The following KIF26B variants were observed in gnomAD, a reference collection of about 807,000 sequenced individuals.
KIF26B encodes kinesin-like protein KIF26B.
KIF26B carries 63 observed loss-of-function variants against 151.2 expected under a neutral mutation model. The observed-to-expected ratio is 0.42, with a 90% CI of 0.34 to 0.51. The LOEUF (loss-of-function observed/expected upper bound fraction) is 0.51, where lower values mean the gene tolerates loss of function less well. Among genes scored for constraint, KIF26B ranks in the 20% least tolerant of loss-of-function variants. KIF26B has a pLI of 0.07. For missense variants in KIF26B, 2,813 were observed against 2,913.6 expected, an observed-to-expected ratio of 0.97 and a Z score of 0.79; for synonymous variants, 1,357 against 1,262.1, an observed-to-expected ratio of 1.08 and a Z score of -1.59.
chr1:245,638,950 T>A (rs1007073629), intron 9 of KIF26B, among the ~76,000 whole-genome samples: 6 of 151,758 alleles, frequency 4.0e-5, no homozygotes, highest in Admixed American at 3.9e-4. Flanking sequence ...TTTTCTTTTG[T>A]TATCTTTGGC....
At chr1:245,211,895 T>C (rs77412441) in intron 2 of KIF26B, among the ~76,000 whole-genome samples, 3,788 of 152,248 alleles carry the variant, frequency 0.025, 157 homozygotes, top group African/African-American at 0.087. Context: ...ATCAAATGCT[T>C]GTGATTTCCA....
At chr1:245,501,845 G>C (rs1020164527) in intron 4 of KIF26B, among the ~76,000 whole-genome samples, 3 of 152,150 alleles carry the variant, frequency 2.0e-5, no homozygotes, top group Non-Finnish European at 4.4e-5. Context: ...TTTAGAACTA[G>C]GCAATTGCTT....
intron 5 of KIF26B, among the ~76,000 whole-genome samples, chr1:245,558,528 C>T (rs1662090607): frequency 6.6e-6 from 1 of 152,232 alleles, no homozygotes; most frequent in Non-Finnish European, 1.5e-5. Context: ...GCCCCTGAGG[C>T]CTCTTGCCAT....
intron 4 of KIF26B, among the ~76,000 whole-genome samples, chr1:245,533,849 G>T (rs935674742): frequency 6.6e-6 from 1 of 151,496 alleles, no homozygotes; most frequent in Non-Finnish European, 1.5e-5. Context: ...TGAGACCTAA[G>T]ACTTTCCCTG....
chr1:245,464,356 G>GGT (rs1659717330), intron 4 of KIF26B, among the ~76,000 whole-genome samples: 1 of 151,852 alleles, frequency 6.6e-6, no homozygotes, highest in African/African-American at 2.4e-5. Flanking sequence ...TGCATCTGTG[G>GGT]GTGTGTGCGT....
chr1:245,691,944 T>G (rs1395180323), intron 12 of KIF26B, among the ~76,000 whole-genome samples: 2 of 152,196 alleles, frequency 1.3e-5, no homozygotes, highest in African/African-American at 4.8e-5. Flanking sequence ...AGGAGGAGGC[T>G]TAGAATCTTG....
chr1:245,700,429 C>T (rs1216473658), intron 14 of KIF26B, among the ~76,000 whole-genome samples: 3 of 152,248 alleles, frequency 2.0e-5, no homozygotes, highest in South Asian at 2.1e-4. Context: ...CGGTGGCTCA[C>T]GCCTGTAATC....
At chr1:245,656,656 G>A (rs754256923) in intron 10 of KIF26B, among the ~76,000 whole-genome samples, 2 of 152,212 alleles carry the variant, frequency 1.3e-5, no homozygotes, top group Non-Finnish European at 2.9e-5. Context: ...ATTAGGCATT[G>A]GACAGGATGG....
intron 4 of KIF26B, among the ~76,000 whole-genome samples, chr1:245,456,371 A>C (rs1659517983): frequency 6.6e-6 from 1 of 152,240 alleles, no homozygotes; most frequent in African/African-American, 2.4e-5. Context: ...CTTAGTATAT[A>C]ATTCTAGCAG....
chr1:245,694,756 G>A (rs2044668968), intron 12 of KIF26B, among the ~76,000 whole-genome samples: 1 of 152,200 alleles, frequency 6.6e-6, no homozygotes, highest in Admixed American at 6.5e-5. Flanking sequence ...GGTCCTGGTT[G>A]GAAGTTTCAC....
chr1:245,363,787 G>A (rs1273180836), intron 2 of KIF26B, among the ~76,000 whole-genome samples: 2 of 152,198 alleles, frequency 1.3e-5, no homozygotes, highest in South Asian at 2.1e-4. Context: ...TTCCCTGGAC[G>A]AGAGAGGAAT....
chr1:245,606,220 A>AC lies in KIF26B; in HGVS notation c.1558-1428dup, dbSNP rs971381303. Among the ~76,000 whole-genome samples the AC allele has an allele frequency of 6.6e-6, 1 of 152,088 alleles. No homozygotes were observed. The highest frequency in any genetic ancestry group is 2.4e-5 in the African/African-American group (1 of 41,414). On this transcript the variant is annotated intron_variant, in intron 6 of 14. Coordinates refer to ENST00000407071, the MANE Select transcript of KIF26B (RefSeq NM_018012.4). This position sits in a 1 kb window ranked among gnomAD's most constrained non-coding sequence, Gnocchi z 4.6. ...GCCCCCCGCAGAGTTGCTGGGGACC[A>AC]CCCTGGAACAAGTGACAGCTGTTGG...
chr1:245,207,283 G>A (rs1259186625), intron 2 of KIF26B, among the ~76,000 whole-genome samples: 1 of 152,226 alleles, frequency 6.6e-6, no homozygotes, highest in Admixed American at 6.5e-5. Context: ...TGGTTGCCAC[G>A]AGAGCACACC....
At chr1:245,261,135 TTC>T (rs1283726945) in intron 2 of KIF26B, among the ~76,000 whole-genome samples, 1 of 150,166 alleles carries the variant, frequency 6.7e-6, no homozygotes, top group Non-Finnish European at 1.5e-5. Context: ...TCCTTCCTCT[TTC>T]TCTCTTTCTT....
chr1:245,345,375 T>TTTATGCCTTGC (rs1482687212), intron 2 of KIF26B, among the ~76,000 whole-genome samples: 1 of 152,142 alleles, frequency 6.6e-6, no homozygotes, highest in African/African-American at 2.4e-5. Context: ...GAGCCTTGCG[T>TTTATGCCTTGC]CTCTGTTTAT....
chr1:245,178,268 G>A lies in KIF26B; in HGVS notation c.465+21585G>A, dbSNP rs1003360513. 5.3e-5 allele frequency among the ~76,000 whole-genome samples: 8 copies of A among 152,264 alleles called. No individual in the cohort carries two copies. The East Asian group carries it at 1.2e-3, about 22-fold the overall frequency. The stretch of plus-strand genomic sequence containing the variant: ...AGTTCTAGAGCTTTCAAGCACAACC[G>A]TATATCCGAGGTTGACTTTGGAGCT... On this transcript the variant is annotated intron_variant, in intron 2 of 14. Coordinates refer to ENST00000407071, the MANE Select transcript of KIF26B (RefSeq NM_018012.4).
At chr1:245,578,167 T>G (rs2043143825) in intron 5 of KIF26B, among the ~76,000 whole-genome samples, 1 of 152,246 alleles carries the variant, frequency 6.6e-6, no homozygotes, top group Non-Finnish European at 1.5e-5. Flanking sequence ...GGTTTAGAAA[T>G]TCATAAGATG....
At chr1:245,430,486 A>G (rs1255425237) in intron 4 of KIF26B, among the ~76,000 whole-genome samples, 2 of 152,022 alleles carry the variant, frequency 1.3e-5, no homozygotes, top group East Asian at 3.9e-4. Context: ...GCAACATAGC[A>G]AGACCCTGTA....
rs188509171 is a variant in KIF26B, at chr1:245,241,582, C to T, written c.465+84899C>T. Among the ~76,000 whole-genome samples, 234 of 152,342 alleles carry T rather than the reference C, an allele frequency of 1.5e-3. 2 individuals are homozygous for T. The highest frequency in any genetic ancestry group is 5.3e-3 in the African/African-American group (219 of 41,578). On this transcript the variant is annotated intron_variant, in intron 2 of 14. Coordinates refer to ENST00000407071, the MANE Select transcript of KIF26B (RefSeq NM_018012.4). This position sits in a 1 kb window ranked among gnomAD's most constrained non-coding sequence, Gnocchi z 5.0. Reference sequence around the variant, plus strand: ...TTCTTAAAAGCTGGCCCAAACCTGCCCTTTCCTTGCAGCCCAATGGCCTCA... The same window carrying T: ...TTCTTAAAAGCTGGCCCAAACCTGCTCTTTCCTTGCAGCCCAATGGCCTCA...
Sources: allele counts gnomAD v4.1 joint callset (sites outside exome capture counted in the v4.1 genomes callset), GRCh38; gene constraint gnomAD v4.1.1; non-coding constraint Gnocchi (gnomAD v3.1); transcripts MANE v1.5; gene names NCBI Gene and HGNC (gene_info 2026-07-23, HGNC 2026-07-21).